The following CSMD1 variants were observed in gnomAD, a reference collection of about 807,000 sequenced individuals.
CSMD1 encodes CUB and Sushi multiple domains 1.
CSMD1 carries 213 observed loss-of-function variants against 417.5 expected under a neutral mutation model. The observed-to-expected ratio is 0.51, with a 90% CI of 0.46 to 0.57. CSMD1 has a LOEUF of 0.57. Ranked by LOEUF, CSMD1 falls within the 20% of genes least tolerant of loss-of-function variation. The pLI, the probability that CSMD1 is intolerant of heterozygous loss-of-function variation, is 0.00. For synonymous variants in CSMD1, 2,862 were observed against 1,736.8 expected (o/e 1.65, Z -16.11); for missense variants, 6,923 against 4,529.7 (o/e 1.53, Z -15.17).
At chr8:3,620,293 G>A (rs138416004) in intron 7 of CSMD1, among the ~76,000 whole-genome samples, 1 of 147,494 alleles carries the variant, frequency 6.8e-6, no homozygotes, top group South Asian at 2.1e-4. Flanking sequence ...AGTCCTTCAA[G>A]TTGAAATGAA....
At chr8:4,181,523 A>G (rs1205403341) in intron 3 of CSMD1, among the ~76,000 whole-genome samples, 2 of 152,260 alleles carry the variant, frequency 1.3e-5, no homozygotes, top group East Asian at 3.9e-4. Flanking sequence ...AAAACCTTAC[A>G]ATATTTTAAG....
At chr8:4,698,543 T>C (rs1295655254) in intron 1 of CSMD1, among the ~76,000 whole-genome samples, 1 of 152,064 alleles carries the variant, frequency 6.6e-6, no homozygotes, top group African/African-American at 2.4e-5. Context: ...AAGTTTATTT[T>C]TGAGACAGGG....
At chr8:2,941,209 A>T (rs1274926124) in intron 69 of CSMD1, among the ~76,000 whole-genome samples, 1 of 152,214 alleles carries the variant, frequency 6.6e-6, no homozygotes, top group Non-Finnish European at 1.5e-5. Flanking sequence ...ATTACTAGCC[A>T]TAGGGAACTG....
In CSMD1 at chr8:3,387,395, G is replaced by C. The variant is rs956877279; in HGVS notation, c.2782+99C>G. 5.1e-6 allele frequency: 5 copies of C among 973,432 alleles called. No homozygotes were observed. In the African/African-American group the frequency reaches 8.2e-5, roughly 16 times the overall value. 60.3% of individuals were successfully genotyped at this position (973,432 alleles called of 1,614,324 possible). A position where few individuals can be genotyped will look rare whatever the true frequency, so the allele number is the denominator to read the frequency against. On this transcript the variant is annotated intron_variant, in intron 18 of 69. Transcript: ENST00000635120. Reference sequence around the variant, plus strand: ...CAGAGGGAACTCACGCCAGTCGTAAGGTACCACCCCCTGAAATACACACAC... The same window carrying C: ...CAGAGGGAACTCACGCCAGTCGTAACGTACCACCCCCTGAAATACACACAC...
chr8:4,035,573 T>A (rs543439304), intron 3 of CSMD1, among the ~76,000 whole-genome samples: 5 of 152,148 alleles, frequency 3.3e-5, no homozygotes, highest in African/African-American at 1.2e-4. Context: ...TAGGCTAGGG[T>A]GTGTGTTTGA....
At chr8:3,948,185 C>A (rs1339490443) in intron 5 of CSMD1, among the ~76,000 whole-genome samples, 1 of 152,016 alleles carries the variant, frequency 6.6e-6, no homozygotes, top group African/African-American at 2.4e-5. Context: ...AGCCTGGCAA[C>A]AGACCAAGAC....
intron 1 of CSMD1, among the ~76,000 whole-genome samples, chr8:4,919,802 A>G (rs1806314888): frequency 6.6e-6 from 1 of 152,162 alleles, no homozygotes; most frequent in Non-Finnish European, 1.5e-5. Flanking sequence ...TCCCCCCATT[A>G]TAAAAGGGCA....
intron 3 of CSMD1, among the ~76,000 whole-genome samples, chr8:4,194,808 T>C (rs1799235133): frequency 6.6e-6 from 1 of 152,020 alleles, no homozygotes; most frequent in Non-Finnish European, 1.5e-5. Flanking sequence ...TTGGTCACTA[T>C]GAGTTCTGCA....
chr8:3,299,027 C>G (rs544757408), intron 25 of CSMD1, among the ~76,000 whole-genome samples: 2 of 152,248 alleles, frequency 1.3e-5, no homozygotes, highest in African/African-American at 2.4e-5. Context: ...GAAAATGTCT[C>G]ATGACTCCAA....
intron 3 of CSMD1, among the ~76,000 whole-genome samples, chr8:4,239,360 A>G (rs1563321177): frequency 6.6e-6 from 1 of 152,160 alleles, no homozygotes; most frequent in African/African-American, 2.4e-5. Context: ...GGAACTGCCA[A>G]TGAAGCTGTT....
chr8:4,228,261 C>G lies in CSMD1; in HGVS notation c.415+191692G>C, dbSNP rs570608161. Among the ~76,000 whole-genome samples the G allele has an allele frequency of 3.2e-4, 48 of 152,316 alleles. No homozygotes were observed. In the South Asian group the frequency reaches 9.3e-3, roughly 30 times the overall value. On this transcript the variant is annotated intron_variant, in intron 3 of 69. Transcript: ENST00000635120. ...AATATTTGCCTTCCTGTCATCCTTT[C>G]CAGTCACAGGCCCTGGTGCTGCTGG...
At chr8:3,013,928 C>A (rs1395730264) in intron 52 of CSMD1, among the ~76,000 whole-genome samples, 2 of 152,052 alleles carry the variant, frequency 1.3e-5, no homozygotes, top group Non-Finnish European at 2.9e-5. Context: ...TAAGACTCAG[C>A]CTGAGCATTG....
At chr8:3,773,950 C>G (rs1035320234) in intron 5 of CSMD1, among the ~76,000 whole-genome samples, 1 of 152,152 alleles carries the variant, frequency 6.6e-6, no homozygotes, top group Non-Finnish European at 1.5e-5. Context: ...GCACAGCTAA[C>G]AGGAGCCTGT....
rs189665307 is a variant in CSMD1, at chr8:4,917,779, C to A, written c.85+76553G>T. 3.7e-3 allele frequency among the ~76,000 whole-genome samples: 566 copies of A among 152,192 alleles called. 1 individual carries two copies. Among genetic ancestry groups the A allele is most frequent in the African/African-American group, 0.013 (538 of 41,528 alleles). ...AGTTCACAATACCTAATAATAAAAG[C>A]CATAATGTGAAAAGTGTTGCAAGAT... is the stretch of plus-strand genomic sequence containing the variant. On this transcript the variant is annotated intron_variant, in intron 1 of 69. Transcript: ENST00000635120.
chr8:3,884,787 T>C (rs1293339471), intron 5 of CSMD1, among the ~76,000 whole-genome samples: 2 of 152,058 alleles, frequency 1.3e-5, no homozygotes, highest in Admixed American at 6.6e-5. Flanking sequence ...TTCACCTCTA[T>C]TGTGTACCTT....
intron 3 of CSMD1, among the ~76,000 whole-genome samples, chr8:4,090,177 C>T (rs939208313): frequency 1.6e-4 from 24 of 152,114 alleles, no homozygotes; most frequent in African/African-American, 5.6e-4. Context: ...TTGAGTGTAA[C>T]CTCCACTTTT....
At position 3,677,666 on chromosome 8, in the gene CSMD1, C is replaced by A. The variant is rs187544554; in HGVS notation, c.1009+30748G>T. 3.5e-3 allele frequency among the ~76,000 whole-genome samples: 529 copies of A among 152,250 alleles called. 2 individuals are homozygous for A. Among genetic ancestry groups the A allele is most frequent in the Admixed American group, 6.2e-3 (95 of 15,288 alleles). The stretch of plus-strand genomic sequence containing the variant: ...CTATTGACATGAAAAGATATCTATC[C>A]TTTAGGGCTCTTTGGCCAGAGCTGG... On this transcript the variant is annotated intron_variant, in intron 7 of 69. Transcript: ENST00000635120.
chr8:3,372,777 C>T (rs1472822195), intron 18 of CSMD1, among the ~76,000 whole-genome samples: 1 of 152,084 alleles, frequency 6.6e-6, no homozygotes, highest in African/African-American at 2.4e-5. Flanking sequence ...TTACATAGGT[C>T]TGGAGGCCAT....
In CSMD1 at chr8:3,359,138, G is replaced by C. The variant is rs377398328; in HGVS notation, c.3304+14C>G. The stretch of plus-strand genomic sequence containing the variant: ...CCCCATGGATGAATGAAATGAAAGC[G>C]TGTGACCACCTACCCACACACCTTG... On this transcript the variant is annotated intron_variant, in intron 21 of 69. Transcript: ENST00000635120. 38 of 1,613,098 alleles carry C rather than the reference G, an allele frequency of 2.4e-5. No homozygotes were observed. Among genetic ancestry groups the C allele is most frequent in the Non-Finnish European group, 3.1e-5 (36 of 1,179,458 alleles).
Sources: gnomAD v4.1 joint callset for allele counts (sites outside exome capture counted in the v4.1 genomes callset) on GRCh38, gnomAD v4.1.1 for gene constraint, MANE v1.5 for transcripts, NCBI Gene and HGNC (gene_info 2026-07-23, HGNC 2026-07-21) for gene names.